The following CFAP97 variants were observed in gnomAD, a reference collection of about 807,000 sequenced individuals.
CFAP97 encodes cilia- and flagella-associated protein 97.
A neutral mutation model predicts 43.1 loss-of-function variants in CFAP97; 36 were observed. The ratio of observed to expected loss-of-function variants is 0.84; its 90% CI spans 0.64 to 1.10. The LOEUF is 1.10. CFAP97 is among the 50% of genes least tolerant of loss of function. CFAP97 has a pLI of 0.00. For synonymous variants in CFAP97, 228 were observed against 225.7 expected (o/e 1.01, Z -0.09); for missense variants, 657 against 620.3 (o/e 1.06, Z -0.63).
At position 185,162,841 on chromosome 4, in the gene CFAP97, C is replaced by T. The variant is rs758433480; in HGVS notation, c.1556G>A (p.Arg519Gln). 64 of 1,612,490 alleles carry T rather than the reference C, an allele frequency of 4.0e-5. No homozygotes were observed. The Middle Eastern group carries it at 1.2e-3, about 29-fold the overall frequency. Reference protein sequence around the residue: ...SAVDPSSGHPRRRPKPPNVRT... With the variant: ...SAVDPSSGHPQRRPKPPNVRT... Reference sequence around the variant, plus strand: ...GACATTAGGGGGTTTAGGTCTTCTTCGAGGGTGGCCACTGGAGGGGTCAAC... The same window carrying T: ...GACATTAGGGGGTTTAGGTCTTCTTTGAGGGTGGCCACTGGAGGGGTCAAC... Residue 519 changes from arginine to glutamine, a missense_variant, in exon 5 of 5, where the codon CGA becomes CAA. By Grantham distance (43) the Arg-to-Gln change is conservative. Coordinates refer to ENST00000458385, the MANE Select transcript of CFAP97 (RefSeq NM_020827.3).
chr4:185,209,854 G>A (rs905257552), upstream of CFAP97: 37 of 983,366 alleles, frequency 3.8e-5, no homozygotes, highest in Non-Finnish European at 4.5e-5. The surrounding 1 kb of genome is among the most constrained non-coding windows in gnomAD (Gnocchi z 5.2). Flanking sequence ...CGACAGTGGC[G>A]GCGCCGGCCC....
At chr4:185,203,031 G>A (rs1560879466) in intron 1 of CFAP97, among the ~76,000 whole-genome samples, 1 of 152,170 alleles carries the variant, frequency 6.6e-6, no homozygotes, top group African/African-American at 2.4e-5. Flanking sequence ...ACCCTTTGGT[G>A]CTCAATCAAG....
chr4:185,197,398 G>A (rs1203804437), intron 1 of CFAP97, among the ~76,000 whole-genome samples: 8 of 151,380 alleles, frequency 5.3e-5, no homozygotes, highest in East Asian at 1.9e-4. Context: ...TTTTACTGGC[G>A]AATATATTAA....
chr4:185,161,896 T>C lies in CFAP97; in HGVS notation c.*902A>G, dbSNP rs1052488400. 12 of 152,248 alleles carry C rather than the reference T, an allele frequency of 7.9e-5. No homozygotes were observed. Among genetic ancestry groups the C allele is most frequent in the Admixed American group, 7.2e-4 (11 of 15,282 alleles). The allele number at this position is 152,248 out of a possible 1,614,324, so 9.4% of individuals were successfully genotyped here. A position where few individuals can be genotyped will look rare whatever the true frequency, so the allele number is the denominator to read the frequency against. On this transcript the variant is annotated 3_prime_UTR_variant, in exon 5 of 5. Transcript: ENST00000458385. ...TTACGCTAAGTCTTCTCTAATAACA[T>C]AATAAATACTGAATTACCTAAAACA...
rs745667156 is a variant in CFAP97 at position 185,183,056 on chromosome 4, C to T, written c.1055-7005G>A. Among the ~76,000 whole-genome samples, 9 of 151,712 alleles carry T rather than the reference C, an allele frequency of 5.9e-5. No homozygotes were observed. In the South Asian group the frequency reaches 8.3e-4, roughly 14 times the overall value. ...TGGAGGCTGCAGTAAGCTGAGATTG[C>T]GCCACTGCATTCTAGCCTGGGTGAC... On this transcript the variant is annotated intron_variant, in intron 2 of 4. Transcript: ENST00000458385.
At chr4:185,169,685 C>T (rs571080156) in intron 3 of CFAP97, 2 of 985,418 alleles carry the variant, frequency 2.0e-6, no homozygotes, top group Admixed American at 6.1e-5. Flanking sequence ...ATGATTTCTG[C>T]AGCCGTTAGC....
upstream of CFAP97, among the ~76,000 whole-genome samples, chr4:185,205,828 CTAAA>C (rs1367144212): frequency 6.6e-6 from 1 of 152,190 alleles, no homozygotes; most frequent in Non-Finnish European, 1.5e-5. Flanking sequence ...GCCCCTGTCT[CTAAA>C]TAAATAAACA....
At chr4:185,200,920 G>C (rs1296508176) in intron 1 of CFAP97, among the ~76,000 whole-genome samples, 1 of 152,250 alleles carries the variant, frequency 6.6e-6, no homozygotes. Context: ...ATTTACTCCT[G>C]AAGAAGCTGT....
chr4:185,191,091 G>A lies in CFAP97; in HGVS notation c.106C>T (p.Gln36Ter), dbSNP rs1736233904. The change falls in exon 2 of 5, where the codon CAA (glutamine) becomes TAA (stop). Residue 36 changes from glutamine (Q) to a stop codon, truncating the protein, a stop_gained. Transcript: ENST00000458385. LOFTEE classifies it high-confidence loss of function. Reference sequence around the variant, plus strand: ...ATTCTTTCCTTTGGGTCATCATTTTGCTTGTCAAAAACTGAGTTAGTTTCA... The same window carrying A: ...ATTCTTTCCTTTGGGTCATCATTTTACTTGTCAAAAACTGAGTTAGTTTCA... ...KCETNSVFDK[Q>*]NDDPKERIDK... 6.2e-7 allele frequency: 1 copy of A among 1,612,342 alleles called. No homozygotes were observed. Among genetic ancestry groups the A allele is most frequent in the Admixed American group, 1.7e-5 (1 of 59,866 alleles).
At chr4:185,196,708 G>C (rs972866146) in intron 1 of CFAP97, among the ~76,000 whole-genome samples, 1 of 152,172 alleles carries the variant, frequency 6.6e-6, no homozygotes, top group African/African-American at 2.4e-5. Context: ...GGTGGTATTA[G>C]ACAGTGTCAA....
chr4:185,166,528 T>C (rs1735080127), intron 3 of CFAP97, among the ~76,000 whole-genome samples: 1 of 152,208 alleles, frequency 6.6e-6, no homozygotes, highest in African/African-American at 2.4e-5. Flanking sequence ...TTTATTTATT[T>C]GGTTGGATGA....
At chr4:185,167,651 TAAGTGA>T (rs1485626407) in intron 3 of CFAP97, among the ~76,000 whole-genome samples, 1 of 152,122 alleles carries the variant, frequency 6.6e-6, no homozygotes, top group African/African-American at 2.4e-5. Flanking sequence ...TTTTAGTAAT[TAAGTGA>T]TAGAATGCAT....
At chr4:185,176,127 T>TC in intron 2 of CFAP97, 76 bp from the exon 3 acceptor site, 1 of 1,232,790 alleles carries the variant, frequency 8.1e-7, no homozygotes, top group Non-Finnish European at 1.1e-6. Context: ...TTTTTTCTCT[T>TC]TTTAGACGGA....
At chr4:185,201,018 T>C (rs72704039) in intron 1 of CFAP97, among the ~76,000 whole-genome samples, 19,306 of 152,162 alleles carry the variant, frequency 0.13, 1,296 homozygotes, top group African/African-American at 0.15. Context: ...AGACTGACTA[T>C]GTTTTAAAGA....
rs187408712 is a variant in CFAP97 at position 185,180,761 on chromosome 4, T to C, written c.1055-4710A>G. On this transcript the variant is annotated intron_variant, in intron 2 of 4. Transcript: ENST00000458385. ...TCTCATTCTTTTCTATTTTGGGAGA[T>C]TGACTAAGTTAAAAACTTTTTTCTC... is the stretch of plus-strand genomic sequence containing the variant. Among the ~76,000 whole-genome samples the C allele has an allele frequency of 5.2e-3, 798 of 152,228 alleles. 8 individuals carry two copies. The highest frequency in any genetic ancestry group is 0.018 in the African/African-American group (734 of 41,518).
At chr4:185,170,739 C>CT in intron 3 of CFAP97, among the ~76,000 whole-genome samples, 1 of 151,348 alleles carries the variant, frequency 6.6e-6, no homozygotes, top group South Asian at 2.1e-4. Flanking sequence ...AATCCTAGTA[C>CT]TTTGAGACGC....
chr4:185,187,360 A>G (rs1378212157), intron 2 of CFAP97, among the ~76,000 whole-genome samples: 1 of 152,170 alleles, frequency 6.6e-6, no homozygotes, highest in Non-Finnish European at 1.5e-5. Context: ...AAATTCCAAC[A>G]AGAAATAAGA....
chr4:185,164,312 A>C, intron 3 of CFAP97, 133 bp from the exon 4 acceptor site: 1 of 927,400 alleles, frequency 1.1e-6, no homozygotes, highest in Non-Finnish European at 1.6e-6. Flanking sequence ...TCTGTCACTC[A>C]GGCTGGCCTG....
Position 185,190,522 on chromosome 4 carries a change from T to C in CFAP97, c.675A>G (p.Ser225=), listed in dbSNP as rs1418303811. The change falls in exon 2 of 5, where the codon TCA becomes TCG. Residue 225 remains serine, a synonymous_variant. Transcript: ENST00000458385. ...TLLSPKHKYK[S]GIKSTETQPS... is the part of the protein sequence containing the mutation. Reference sequence around the variant, plus strand: ...GCTGTGTTTCTGTCGATTTTATTCCTGATTTATACTTGTGTTTTGGTGACA... The same window carrying C: ...GCTGTGTTTCTGTCGATTTTATTCCCGATTTATACTTGTGTTTTGGTGACA... The C allele has an allele frequency of 6.2e-7, 1 of 1,613,978 alleles. No individual in the cohort carries two copies. The highest frequency in any genetic ancestry group is 1.1e-5 in the South Asian group (1 of 91,062).
Sources: allele counts gnomAD v4.1 joint callset (sites outside exome capture counted in the v4.1 genomes callset), GRCh38; gene constraint gnomAD v4.1.1; non-coding constraint Gnocchi (gnomAD v3.1); transcripts MANE v1.5; gene names NCBI Gene and HGNC (gene_info 2026-07-23, HGNC 2026-07-21).